The following RAB3GAP1 variants were observed in gnomAD, a reference collection of about 807,000 sequenced individuals.
The protein encoded by RAB3GAP1 is rab3 GTPase-activating protein catalytic subunit.
A neutral mutation model predicts 130.7 loss-of-function variants in RAB3GAP1; 86 were observed. The observed-to-expected ratio is 0.66, with a 90% CI of 0.55 to 0.79. The LOEUF is 0.79. Ranked by LOEUF, RAB3GAP1 falls within the 30% of genes least tolerant of loss-of-function variation. RAB3GAP1 has a pLI of 0.00. For synonymous variants in RAB3GAP1, 367 were observed against 401.7 expected (o/e 0.91, Z 1.03); for missense variants, 1,029 against 1,169.4 (o/e 0.88, Z 1.75).
intron 5 of RAB3GAP1, among the ~76,000 whole-genome samples, chr2:135,105,751 G>A (rs1260858164): frequency 2.7e-5 from 4 of 149,400 alleles, no homozygotes; most frequent in Admixed American, 6.7e-5. Flanking sequence ...AGTGAGGAGC[G>A]CCTCTTCCCA....
intron 5 of RAB3GAP1, among the ~76,000 whole-genome samples, chr2:135,110,854 G>C (rs889082048): frequency 3.9e-5 from 6 of 152,228 alleles, no homozygotes; most frequent in African/African-American, 1.2e-4. Context: ...GGGTGGTTAC[G>C]CAGATAAATG....
chr2:135,056,288 T>TTG (rs1377074417), intron 2 of RAB3GAP1, among the ~76,000 whole-genome samples: 5 of 152,146 alleles, frequency 3.3e-5, no homozygotes, highest in African/African-American at 9.7e-5. Flanking sequence ...CTGCAACCTC[T>TTG]GCCACCTGGG....
intron 13 of RAB3GAP1, among the ~76,000 whole-genome samples, chr2:135,131,240 T>A (rs1028576145): frequency 1.3e-5 from 2 of 152,180 alleles, no homozygotes; most frequent in African/African-American, 2.4e-5. Flanking sequence ...TTATTTATTT[T>A]TTTTGAGACG....
Position 135,144,442 on chromosome 2 carries a change from G to A in RAB3GAP1, c.1924-5927G>A, listed in dbSNP as rs1371784698. Among the ~76,000 whole-genome samples, 9 of 152,180 alleles carry A rather than the reference G, an allele frequency of 5.9e-5. No individual in the cohort carries two copies. The South Asian group carries it at 1.7e-3, about 28-fold the overall frequency. On this transcript the variant is annotated intron_variant, in intron 17 of 23. Coordinates refer to ENST00000264158, the MANE Select transcript of RAB3GAP1 (RefSeq NM_012233.3). ...GGCTAAAACAAAGGCACCACTCAAA[G>A]GGGGGCATGACAATGTATAAAACCA...
At chr2:135,084,884 A>G (rs573352133) in intron 3 of RAB3GAP1, among the ~76,000 whole-genome samples, 126 of 152,346 alleles carry the variant, frequency 8.3e-4, no homozygotes, top group African/African-American at 2.6e-3. Flanking sequence ...ATGCTGAGAA[A>G]TAATCACTAA....
intron 17 of RAB3GAP1, among the ~76,000 whole-genome samples, chr2:135,140,159 G>T (rs1334602227): frequency 6.6e-6 from 1 of 152,098 alleles, no homozygotes; most frequent in Non-Finnish European, 1.5e-5. Context: ...ATGGGTATTT[G>T]GGTTGTTTTC....
intron 13 of RAB3GAP1, among the ~76,000 whole-genome samples, chr2:135,131,294 C>T (rs914858889): frequency 1.3e-5 from 2 of 152,126 alleles, no homozygotes; most frequent in African/African-American, 2.4e-5. Flanking sequence ...TGGTGCATCT[C>T]GGCTCACTGC....
chr2:135,164,494 A>T (rs1288568138), intron 22 of RAB3GAP1, 100 bp from the exon 23 acceptor site: 1 of 859,488 alleles, frequency 1.2e-6, no homozygotes, highest in Non-Finnish European at 2.0e-6. Flanking sequence ...AGCCAGTATC[A>T]GCTTGAGGAT....
intron 7 of RAB3GAP1, among the ~76,000 whole-genome samples, chr2:135,117,624 T>G (rs996243614): frequency 3.3e-5 from 5 of 149,316 alleles, no homozygotes; most frequent in African/African-American, 7.5e-5. Flanking sequence ...TGCTTCTGCT[T>G]CTTCTGCTTC....
intron 2 of RAB3GAP1, among the ~76,000 whole-genome samples, chr2:135,053,109 A>C (rs929869033): frequency 4.6e-5 from 7 of 152,304 alleles, no homozygotes; most frequent in Middle Eastern, 6.8e-3. Context: ...CTCCCGCTTT[A>C]GCCTCGGGAG....
At chr2:135,077,301 CCATT>C (rs887138142) in intron 3 of RAB3GAP1, among the ~76,000 whole-genome samples, 17 of 151,854 alleles carry the variant, frequency 1.1e-4, no homozygotes, top group African/African-American at 1.5e-4. Flanking sequence ...AACAACAAAT[CCATT>C]CATTCATCTG....
In RAB3GAP1 at chr2:135,135,708, G is replaced by A. The variant is rs990480267; in HGVS notation, c.1699G>A (p.Glu567Lys). ...VPDNLKETDK[E>K]KGEVGKSWDS... Reference sequence around the variant, plus strand: ...AGATAATCTAAAAGAAACAGATAAGGAAAAGGGAGAGGTAGGAAAATCTTG... The same window carrying A: ...AGATAATCTAAAAGAAACAGATAAGAAAAAGGGAGAGGTAGGAAAATCTTG... Residue 567 changes from glutamate to lysine, a missense_variant, in exon 17 of 24, where the codon GAA (glutamate) becomes AAA (lysine). Glu to Lys is a moderately conservative substitution (Grantham distance 56). Transcript: ENST00000264158. The A allele has an allele frequency of 6.2e-7, 1 of 1,613,964 alleles. No individual in the cohort carries two copies. Among genetic ancestry groups the A allele is most frequent in the African/African-American group, 1.3e-5 (1 of 74,912 alleles).
chr2:135,174,185 G>A (rs939304521), downstream of RAB3GAP1, among the ~76,000 whole-genome samples: 2 of 152,190 alleles, frequency 1.3e-5, no homozygotes, highest in Non-Finnish European at 2.9e-5. Context: ...TGCAGGGAGC[G>A]TTCTTGGCCT....
At chr2:135,111,525 C>A (rs976116133) in intron 5 of RAB3GAP1, among the ~76,000 whole-genome samples, 1 of 152,132 alleles carries the variant, frequency 6.6e-6, no homozygotes, top group African/African-American at 2.4e-5. Flanking sequence ...AGTAAAAGAA[C>A]ACAAGAATTC....
intron 12 of RAB3GAP1, among the ~76,000 whole-genome samples, 162 bp downstream of exon 12, chr2:135,130,249 G>A (rs1303615728): frequency 6.6e-6 from 1 of 152,056 alleles, no homozygotes; most frequent in Non-Finnish European, 1.5e-5. Context: ...TGTACCCAGT[G>A]CTTGTTAAGA....
intron 18 of RAB3GAP1, among the ~76,000 whole-genome samples, chr2:135,151,254 C>A (rs1341139882): frequency 2.6e-5 from 4 of 152,194 alleles, no homozygotes; most frequent in Non-Finnish European, 5.9e-5. Context: ...ACAGGGCTTC[C>A]TTTCCTACTG....
chr2:135,080,095 C>T (rs531419641), intron 3 of RAB3GAP1, among the ~76,000 whole-genome samples: 24 of 129,680 alleles, frequency 1.9e-4, no homozygotes, highest in Non-Finnish European at 3.1e-4. Context: ...CCCGCCTGGG[C>T]GACAGAACGA....
intron 17 of RAB3GAP1, among the ~76,000 whole-genome samples, chr2:135,146,878 G>T (rs1692010349): frequency 6.6e-6 from 1 of 151,692 alleles, no homozygotes; most frequent in Non-Finnish European, 1.5e-5. Context: ...ATTCACTCTT[G>T]ATAAACATTC....
At chr2:135,133,008 T>C in intron 14 of RAB3GAP1, 24 bp downstream of exon 14, 1 of 1,287,018 alleles carries the variant, frequency 7.8e-7, no homozygotes, top group Middle Eastern at 2.1e-4. Context: ...GAGTTCAATG[T>C]TAAAATGTTT....
Sources: gnomAD v4.1 joint callset for allele counts (sites outside exome capture counted in the v4.1 genomes callset) on GRCh38, gnomAD v4.1.1 for gene constraint, MANE v1.5 for transcripts, NCBI Gene and HGNC (gene_info 2026-07-23, HGNC 2026-07-21) for gene names.